The following FBXL7 variants were observed in gnomAD, a reference collection of about 807,000 sequenced individuals.
The protein encoded by FBXL7 is F-box and leucine rich repeat protein 7.
A neutral mutation model predicts 38.3 loss-of-function variants in FBXL7; 12 were observed. The ratio of observed to expected loss-of-function variants is 0.31; its 90% CI spans 0.20 to 0.51. The LOEUF (loss-of-function observed/expected upper bound fraction) is 0.51. Ranked by LOEUF, FBXL7 falls within the 20% of genes least tolerant of loss-of-function variation. The pLI, the probability that FBXL7 is intolerant of heterozygous loss-of-function variation, is 0.98. For missense variants in FBXL7, 567 were observed against 676.4 expected (o/e 0.84, Z 1.79); for synonymous variants, 297 against 300.9 (o/e 0.99, Z 0.13).
At chr5:15,591,614 T>C (rs1021272178) in intron 1 of FBXL7, among the ~76,000 whole-genome samples, 8 of 152,124 alleles carry the variant, frequency 5.3e-5, no homozygotes, top group Admixed American at 2.0e-4. Flanking sequence ...TCTCCCACAA[T>C]TGGCAGGGAC....
At chr5:15,865,769 G>T (rs1294284109) in intron 2 of FBXL7, among the ~76,000 whole-genome samples, 2 of 152,014 alleles carry the variant, frequency 1.3e-5, no homozygotes, top group East Asian at 3.9e-4. Flanking sequence ...ACCATGTGGT[G>T]AGGACAGTTC....
At chr5:15,783,125 A>C (rs970943234) in intron 2 of FBXL7, among the ~76,000 whole-genome samples, 2 of 152,176 alleles carry the variant, frequency 1.3e-5, no homozygotes, top group Non-Finnish European at 2.9e-5. Flanking sequence ...AGATTTTTGC[A>C]TGAGAACGAC....
At chr5:15,670,715 C>T (rs762834027) in intron 2 of FBXL7, among the ~76,000 whole-genome samples, 37 of 152,096 alleles carry the variant, frequency 2.4e-4, no homozygotes, top group Admixed American at 7.2e-4. Flanking sequence ...ACAGGAGAAT[C>T]GCTTGAACCT....
chr5:15,720,264 C>G (rs1744158160), intron 2 of FBXL7, among the ~76,000 whole-genome samples: 1 of 148,708 alleles, frequency 6.7e-6, no homozygotes, highest in Non-Finnish European at 1.5e-5. Context: ...TTGCAGTCTT[C>G]TTTTGGGTTT....
chr5:15,801,907 T>C (rs1490383190), intron 2 of FBXL7, among the ~76,000 whole-genome samples: 1 of 152,090 alleles, frequency 6.6e-6, no homozygotes, highest in African/African-American at 2.4e-5. Flanking sequence ...GAGAGATGTG[T>C]ATCTATCTCC....
intron 2 of FBXL7, among the ~76,000 whole-genome samples, chr5:15,668,374 G>T (rs1009156473): frequency 2.3e-5 from 1 of 43,020 alleles, no homozygotes; most frequent in South Asian, 5.5e-4. Context: ...GTGTTTGTGT[G>T]TGTGTGTGTG....
chr5:15,891,464 A>G (rs1740899094), intron 2 of FBXL7, among the ~76,000 whole-genome samples: 1 of 152,224 alleles, frequency 6.6e-6, no homozygotes, highest in Admixed American at 6.5e-5. Context: ...ACATTTATTA[A>G]AGTACATATT....
At chr5:15,879,920 T>C (rs1036583619) in intron 2 of FBXL7, among the ~76,000 whole-genome samples, 2 of 152,114 alleles carry the variant, frequency 1.3e-5, no homozygotes, top group Non-Finnish European at 2.9e-5. Context: ...TTAATCCTGG[T>C]TCTGAGTTTT....
chr5:15,864,942 C>A (rs1011905502), intron 2 of FBXL7, among the ~76,000 whole-genome samples: 1 of 152,150 alleles, frequency 6.6e-6, no homozygotes, highest in African/African-American at 2.4e-5. Context: ...CTGGTATTGT[C>A]TTCCTTTAGG....
At chr5:15,727,214 A>G (rs1735431366) in intron 2 of FBXL7, among the ~76,000 whole-genome samples, 1 of 152,130 alleles carries the variant, frequency 6.6e-6, no homozygotes, top group Non-Finnish European at 1.5e-5. Flanking sequence ...TGTGTCTTAA[A>G]TTAAGAAAAA....
chr5:15,916,459 G>A (rs138664891), intron 2 of FBXL7, among the ~76,000 whole-genome samples: 4 of 152,244 alleles, frequency 2.6e-5, no homozygotes, highest in African/African-American at 7.2e-5. Flanking sequence ...TGAGCCCATC[G>A]AGCAGGGAGC....
At chr5:15,859,661 A>G (rs1739392144) in intron 2 of FBXL7, among the ~76,000 whole-genome samples, 1 of 152,150 alleles carries the variant, frequency 6.6e-6, no homozygotes, top group African/African-American at 2.4e-5. Flanking sequence ...CTTATTTACT[A>G]TAATGAGAAC....
At chr5:15,868,194 A>C (rs1739802514) in intron 2 of FBXL7, among the ~76,000 whole-genome samples, 1 of 152,072 alleles carries the variant, frequency 6.6e-6, no homozygotes, top group African/African-American at 2.4e-5. Context: ...CCTGGCTGGC[A>C]AGCCAGCAAG....
chr5:15,619,388 G>T (rs776265849), intron 2 of FBXL7, among the ~76,000 whole-genome samples: 4 of 152,124 alleles, frequency 2.6e-5, no homozygotes, highest in Non-Finnish European at 5.9e-5. Flanking sequence ...TTTCTAGTTG[G>T]GGTGGGATGG....
At chr5:15,738,276 A>T (rs902970296) in intron 2 of FBXL7, among the ~76,000 whole-genome samples, 8 of 152,224 alleles carry the variant, frequency 5.3e-5, no homozygotes, top group South Asian at 2.1e-4. Context: ...TATGATGAGA[A>T]GTAAAATAAT....
intron 2 of FBXL7, among the ~76,000 whole-genome samples, chr5:15,826,474 A>C (rs1326463234): frequency 6.6e-6 from 1 of 152,112 alleles, no homozygotes; most frequent in Non-Finnish European, 1.5e-5. Context: ...GCTGGAGTGC[A>C]GTGTCGTGAT....
At chr5:15,918,598 A>G (rs1204401287) in intron 2 of FBXL7, among the ~76,000 whole-genome samples, 3 of 152,270 alleles carry the variant, frequency 2.0e-5, no homozygotes, top group African/African-American at 7.2e-5. Context: ...ATCAGACTCA[A>G]AAACTGGGCA....
At chr5:15,764,854 C>T (rs1192730950) in intron 2 of FBXL7, among the ~76,000 whole-genome samples, 2 of 152,216 alleles carry the variant, frequency 1.3e-5, no homozygotes, top group Non-Finnish European at 2.9e-5. Context: ...CAGAAGTTTA[C>T]AAGCTTTTCC....
At chr5:15,788,911 T>C (rs1486445306) in intron 2 of FBXL7, among the ~76,000 whole-genome samples, 1 of 150,614 alleles carries the variant, frequency 6.6e-6, no homozygotes, top group Non-Finnish European at 1.5e-5. Flanking sequence ...AGTACAGTGG[T>C]GTGATCTCGG....
Sources: allele counts gnomAD v4.1 joint callset (sites outside exome capture counted in the v4.1 genomes callset), GRCh38; gene constraint gnomAD v4.1.1; transcripts MANE v1.5; gene names NCBI Gene and HGNC (gene_info 2026-07-23, HGNC 2026-07-21).